The following KCNH7 variants were observed in gnomAD, a reference collection of about 807,000 sequenced individuals.
The protein encoded by KCNH7 is voltage-gated inwardly rectifying potassium channel KCNH7.
Under a neutral mutation model 120.8 loss-of-function variants are expected in KCNH7, and 49 were observed. That is an observed-to-expected ratio of 0.41 (90% CI 0.32 to 0.51). The LOEUF (loss-of-function observed/expected upper bound fraction) is 0.51. KCNH7 is among the 20% of genes least tolerant of loss of function. The pLI is 0.38. For missense variants in KCNH7, 1,097 were observed against 1,446.6 expected (o/e 0.76, Z 3.92); for synonymous variants, 547 against 516.1 (o/e 1.06, Z -0.81).
rs181032393 is a variant in KCNH7 at position 162,635,380 on chromosome 2, T to C, written c.308-98300A>G. On this transcript the variant is annotated intron_variant, in intron 2 of 15. Coordinates refer to ENST00000332142, the MANE Select transcript of KCNH7 (RefSeq NM_033272.4). ...ATAATAGGTCCCCAAGATATTACTA[T>C]ACTTTTTCTGGTCTCTTTCCCTATA... 6.0e-3 allele frequency among the ~76,000 whole-genome samples: 916 copies of C among 152,180 alleles called. 13 individuals carry two copies. Among genetic ancestry groups the C allele is most frequent in the African/African-American group, 0.02 (851 of 41,538 alleles).
chr2:162,557,495 G>T (rs1177492548), intron 2 of KCNH7, among the ~76,000 whole-genome samples: 1 of 152,180 alleles, frequency 6.6e-6, no homozygotes, highest in Non-Finnish European at 1.5e-5. Context: ...CCTTCTTGAT[G>T]GAGCAGTGGC....
At chr2:162,500,040 C>T (rs909589120) in intron 6 of KCNH7, among the ~76,000 whole-genome samples, 5 of 151,596 alleles carry the variant, frequency 3.3e-5, no homozygotes, top group South Asian at 2.1e-4. Context: ...CTACTTCCTT[C>T]GAGACTCAAA....
intron 2 of KCNH7, among the ~76,000 whole-genome samples, chr2:162,741,960 T>G (rs1688153742): frequency 6.6e-6 from 1 of 152,236 alleles, no homozygotes; most frequent in East Asian, 1.9e-4. Context: ...CTTCATACTT[T>G]GTTTTGAAAA....
chr2:162,426,805 C>T (rs1021584608), intron 8 of KCNH7, among the ~76,000 whole-genome samples: 2 of 152,050 alleles, frequency 1.3e-5, no homozygotes, highest in African/African-American at 4.8e-5. Flanking sequence ...CCTCTGTAAA[C>T]ATGATCATGA....
chr2:162,766,685 T>A (rs1682822356), intron 2 of KCNH7, among the ~76,000 whole-genome samples: 1 of 151,554 alleles, frequency 6.6e-6, no homozygotes, highest in Non-Finnish European at 1.5e-5. Context: ...TTTCAGACCA[T>A]TTTACGTCCA....
At chr2:162,788,583 A>C (rs1683798518) in intron 2 of KCNH7, among the ~76,000 whole-genome samples, 1 of 152,078 alleles carries the variant, frequency 6.6e-6, no homozygotes, top group Non-Finnish European at 1.5e-5. Flanking sequence ...AACAAAAATA[A>C]AAAGAAATAA....
chr2:162,437,004 C>T (rs1334802488), intron 7 of KCNH7, among the ~76,000 whole-genome samples: 1 of 151,922 alleles, frequency 6.6e-6, no homozygotes, highest in Non-Finnish European at 1.5e-5. Flanking sequence ...TGCCTGTAGT[C>T]CCAGCTATTC....
intron 2 of KCNH7, among the ~76,000 whole-genome samples, chr2:162,783,583 G>A (rs980741199): frequency 3.9e-5 from 6 of 152,092 alleles, no homozygotes; most frequent in African/African-American, 1.4e-4. Context: ...TTCTGCTTCC[G>A]AATGCTGTCA....
chr2:162,538,720 G>A lies in KCNH7; in HGVS notation c.308-1640C>T, dbSNP rs141934618. Among the ~76,000 whole-genome samples the A allele has an allele frequency of 4.6e-4, 70 of 152,156 alleles. No homozygotes were observed. The East Asian group carries it at 0.012, about 25-fold the overall frequency. On this transcript the variant is annotated intron_variant, in intron 2 of 15. Coordinates refer to ENST00000332142, the MANE Select transcript of KCNH7 (RefSeq NM_033272.4). Reference sequence around the variant, plus strand: ...GCTATTATGGAGACCGCCACAGATCGAGGACTTCATAGGGGAGGGATTTTG... The same window carrying A: ...GCTATTATGGAGACCGCCACAGATCAAGGACTTCATAGGGGAGGGATTTTG...
intron 2 of KCNH7, among the ~76,000 whole-genome samples, chr2:162,629,032 C>A (rs1390501296): frequency 6.6e-6 from 1 of 151,988 alleles, no homozygotes; most frequent in Admixed American, 6.6e-5. Flanking sequence ...TCAATGCCAC[C>A]CCCACCCACA....
At chr2:162,477,510 G>A (rs1365037089) in intron 6 of KCNH7, among the ~76,000 whole-genome samples, 1 of 152,172 alleles carries the variant, frequency 6.6e-6, no homozygotes, top group Non-Finnish European at 1.5e-5. Flanking sequence ...GACTTTATAT[G>A]AGGGAAGTTT....
chr2:162,751,624 G>T (rs1232030046), intron 2 of KCNH7, among the ~76,000 whole-genome samples: 1 of 151,764 alleles, frequency 6.6e-6, no homozygotes, highest in African/African-American at 2.4e-5. Flanking sequence ...TAGGCAAGTT[G>T]TAAAGGACCT....
At position 162,371,673 on chromosome 2, in the gene KCNH7, T is replaced by G. The variant is rs1203788248; in HGVS notation, c.*156A>C. The G allele has an allele frequency of 3.5e-6, 3 of 854,728 alleles. No homozygotes were observed. Among genetic ancestry groups the G allele is most frequent in the Admixed American group, 6.0e-5 (2 of 33,378 alleles). 52.9% of individuals were successfully genotyped at this position (854,728 alleles called of 1,614,324 possible). ...ATATTTACATCCTAACTGCTCAGTT[T>G]TACCTTACAAGCTTCAATTTAGGAA... On this transcript the variant is annotated 3_prime_UTR_variant, in exon 16 of 16. Coordinates refer to ENST00000332142, the MANE Select transcript of KCNH7 (RefSeq NM_033272.4).
chr2:162,504,058 T>C (rs955523013), intron 6 of KCNH7, among the ~76,000 whole-genome samples: 1 of 151,950 alleles, frequency 6.6e-6, no homozygotes, highest in Non-Finnish European at 1.5e-5. Context: ...GATACCACAG[T>C]TCAGAGCAAA....
At chr2:162,807,130 G>T (rs1684567930) in intron 2 of KCNH7, among the ~76,000 whole-genome samples, 1 of 151,436 alleles carries the variant, frequency 6.6e-6, no homozygotes, top group Non-Finnish European at 1.5e-5. Context: ...AAAAAACAAG[G>T]CTAGGTGTGG....
chr2:162,657,322 C>T (rs1225618728), intron 2 of KCNH7, among the ~76,000 whole-genome samples: 2 of 152,186 alleles, frequency 1.3e-5, no homozygotes, highest in Non-Finnish European at 2.9e-5. Flanking sequence ...CATCTTCCCC[C>T]TTTCCCTGAG....
At chr2:162,777,443 C>T (rs1166341279) in intron 2 of KCNH7, among the ~76,000 whole-genome samples, 1 of 152,090 alleles carries the variant, frequency 6.6e-6, no homozygotes, top group East Asian at 1.9e-4. Flanking sequence ...TATTTTTGAT[C>T]TGCAGTTGGT....
chr2:162,830,271 A>G (rs1685430392), intron 2 of KCNH7, among the ~76,000 whole-genome samples: 1 of 152,182 alleles, frequency 6.6e-6, no homozygotes, highest in Admixed American at 6.5e-5. Flanking sequence ...GACTAAACAG[A>G]GCCTCAGTAG....
chr2:162,559,001 G>A (rs1305973312), intron 2 of KCNH7, among the ~76,000 whole-genome samples: 2 of 137,178 alleles, frequency 1.5e-5, no homozygotes, highest in Non-Finnish European at 3.0e-5. Flanking sequence ...CTTGCAGTGA[G>A]CCAAGATTGC....
Sources: allele counts gnomAD v4.1 joint callset (sites outside exome capture counted in the v4.1 genomes callset), GRCh38; gene constraint gnomAD v4.1.1; transcripts MANE v1.5; gene names NCBI Gene and HGNC (gene_info 2026-07-23, HGNC 2026-07-21).